DYNC1I1: variants seen among roughly 807,000 people sequenced by gnomAD.
DYNC1I1 encodes the protein dynein cytoplasmic 1 intermediate chain 1.
A neutral mutation model predicts 86.6 loss-of-function variants in DYNC1I1; 43 were observed. That is an observed-to-expected ratio of 0.50 (90% CI 0.39 to 0.64). DYNC1I1 has a LOEUF of 0.64. Among genes scored for constraint, DYNC1I1 ranks in the 30% least tolerant of loss-of-function variants. The pLI is 0.00. For missense variants in DYNC1I1, 604 were observed against 788.8 expected (o/e 0.77, Z 2.81); for synonymous variants, 262 against 283.7 (o/e 0.92, Z 0.77).
intron 6 of DYNC1I1, among the ~76,000 whole-genome samples, chr7:95,934,952 T>TTGTGTGTG (rs145382652): frequency 6.7e-6 from 1 of 148,978 alleles, no homozygotes; most frequent in African/African-American, 2.5e-5. Context: ...GTTTTTTGTT[T>TTGTGTGTG]TGTGTGTGTG....
chr7:95,796,372 C>T (rs1794436203), intron 1 of DYNC1I1, among the ~76,000 whole-genome samples: 2 of 151,958 alleles, frequency 1.3e-5, no homozygotes, highest in African/African-American at 2.4e-5. Context: ...TGCAATGGCG[C>T]GATCTTGGTT....
intron 6 of DYNC1I1, among the ~76,000 whole-genome samples, chr7:95,948,783 G>A (rs1206196241): frequency 6.6e-6 from 1 of 152,136 alleles, no homozygotes; most frequent in East Asian, 1.9e-4. Flanking sequence ...CCAGCTACAG[G>A]TTTTGCAAAA....
At chr7:95,899,339 A>T (rs1247162642) in intron 6 of DYNC1I1, among the ~76,000 whole-genome samples, 1 of 152,194 alleles carries the variant, frequency 6.6e-6, no homozygotes, top group Non-Finnish European at 1.5e-5. Flanking sequence ...GAGGGGCTTT[A>T]AAAAACAACC....
At chr7:95,852,415 A>T (rs1789603351) in intron 5 of DYNC1I1, among the ~76,000 whole-genome samples, 1 of 151,916 alleles carries the variant, frequency 6.6e-6, no homozygotes, top group South Asian at 2.1e-4. Flanking sequence ...AGCCCAGCTA[A>T]AAGTTTGTCA....
intron 8 of DYNC1I1, 81 bp from the exon 9 acceptor site, chr7:95,986,975 G>T (rs1793611165): frequency 1.1e-5 from 14 of 1,265,938 alleles, no homozygotes; most frequent in Non-Finnish European, 1.6e-5. Flanking sequence ...TGTGTGCCAG[G>T]CTTTTGCCAT....
rs948143657 is a variant in DYNC1I1 at position 96,076,209 on chromosome 7, C to T, written c.1650+12C>T. On this transcript the variant is annotated intron_variant, in intron 15 of 16. Coordinates refer to ENST00000447467, the MANE Select transcript of DYNC1I1 (RefSeq NM_001135556.2). ...ACAATGACACCGAGGTGAGCGGCGG[C>T]TCAGGCGCCCGGGCCGGAGGGCTGG... The T allele has an allele frequency of 1.2e-6, 2 of 1,613,544 alleles. No individual in the cohort carries two copies. The highest frequency in any genetic ancestry group is 3.3e-5 in the Admixed American group (2 of 59,962).
chr7:95,974,160 C>G (rs1481694173), intron 6 of DYNC1I1, among the ~76,000 whole-genome samples: 1 of 152,166 alleles, frequency 6.6e-6, no homozygotes, highest in Non-Finnish European at 1.5e-5. Flanking sequence ...CCTAATCTCT[C>G]TTTCCTATTT....
At chr7:95,840,262 T>TC (rs1367823838) in intron 5 of DYNC1I1, among the ~76,000 whole-genome samples, 1 of 149,026 alleles carries the variant, frequency 6.7e-6, no homozygotes, top group Admixed American at 6.7e-5. Context: ...TGTTTTTTAT[T>TC]CTTTTTTTTT....
chr7:95,804,708 C>A lies in DYNC1I1; in HGVS notation c.-9-13C>A. On this transcript the variant is annotated splice_polypyrimidine_tract_variant and intron_variant, in intron 1 of 16. Transcript: ENST00000447467. ...TTATATATATGTTCACTTTTTTTTT[C>A]TCTTTCTCCAAGGAAACCAACATGT... The A allele has an allele frequency of 6.5e-7, 1 of 1,549,928 alleles. No individual in the cohort carries two copies. The highest frequency in any genetic ancestry group is 8.7e-7 in the Non-Finnish European group (1 of 1,155,606).
chr7:95,964,871 T>G (rs2116520363), intron 6 of DYNC1I1, among the ~76,000 whole-genome samples: 1 of 152,210 alleles, frequency 6.6e-6, no homozygotes, highest in Non-Finnish European at 1.5e-5. Flanking sequence ...GGATAAAGAG[T>G]ATTCCAGGTA....
chr7:95,999,743 C>T (rs1345695807), intron 10 of DYNC1I1, among the ~76,000 whole-genome samples: 1 of 152,164 alleles, frequency 6.6e-6, no homozygotes, highest in East Asian at 1.9e-4. Flanking sequence ...TAGCTGACTG[C>T]ACTGCTGAGT....
intron 6 of DYNC1I1, among the ~76,000 whole-genome samples, chr7:95,924,498 G>A (rs1401002512): frequency 6.6e-6 from 1 of 152,050 alleles, no homozygotes; most frequent in African/African-American, 2.4e-5. Context: ...TTTGCTTTTT[G>A]AATGTGGCAC....
chr7:95,979,792 A>T (rs62467719), intron 7 of DYNC1I1, among the ~76,000 whole-genome samples: 17,175 of 152,190 alleles, frequency 0.11, 1,046 homozygotes, highest in African/African-American at 0.14. Flanking sequence ...CACAGAAGAC[A>T]CAAGGCTTAC....
chr7:96,002,884 A>G (rs1229029401), intron 10 of DYNC1I1, among the ~76,000 whole-genome samples: 1 of 151,024 alleles, frequency 6.6e-6, no homozygotes, highest in African/African-American at 2.4e-5. Context: ...TTGCTCTGTC[A>G]TGAGGCTGGC....
chr7:96,060,143 G>A (rs537458620), intron 14 of DYNC1I1, among the ~76,000 whole-genome samples: 6 of 152,134 alleles, frequency 3.9e-5, no homozygotes, highest in Non-Finnish European at 8.8e-5. Context: ...TATGACTATC[G>A]GGCTGACTTC....
At chr7:95,788,545 A>G (rs1794208290) in intron 1 of DYNC1I1, among the ~76,000 whole-genome samples, 2 of 152,148 alleles carry the variant, frequency 1.3e-5, no homozygotes, top group Admixed American at 6.5e-5. Flanking sequence ...TGACTCTCCT[A>G]CCAGACACAC....
chr7:95,989,101 G>A lies in DYNC1I1; in HGVS notation c.843+1946G>A, dbSNP rs114184771. ...GCAAGTGCTCTCAAAGTTCAGTGGA[G>A]GTTGGAATCTGTCTCTGGTCAGACA... On this transcript the variant is annotated intron_variant, in intron 9 of 16. Coordinates refer to ENST00000447467, the MANE Select transcript of DYNC1I1 (RefSeq NM_001135556.2). Among the ~76,000 whole-genome samples, 706 of 152,318 alleles carry A rather than the reference G, an allele frequency of 4.6e-3. 11 individuals are homozygous for A. The highest frequency in any genetic ancestry group is 0.016 in the African/African-American group (672 of 41,576).
At position 95,823,952 on chromosome 7, in the gene DYNC1I1, CTATATA is replaced by C. The variant is rs71127429; in HGVS notation, c.315-4083_315-4078del. Among the ~76,000 whole-genome samples the C allele has an allele frequency of 3.9e-3, 302 of 77,878 alleles. 10 individuals are homozygous for C. Among genetic ancestry groups the C allele is most frequent in the South Asian group, 0.018 (40 of 2,196 alleles). The allele number at this position is 77,878 out of a possible 152,430, so 51.1% of individuals were successfully genotyped here. A position where few individuals can be genotyped will look rare whatever the true frequency, so the allele number is the denominator to read the frequency against. On this transcript the variant is annotated intron_variant, in intron 4 of 16. Transcript: ENST00000447467. The stretch of plus-strand genomic sequence containing the variant: ...TTACTTTCAGATTTGTTCTACTAAA[CTATATA>C]TATATATATATATATATATATGTTT...
intron 6 of DYNC1I1, among the ~76,000 whole-genome samples, chr7:95,966,830 G>A (rs1032820077): frequency 6.6e-6 from 1 of 152,184 alleles, no homozygotes; most frequent in South Asian, 2.1e-4. Context: ...CCGGTGACTA[G>A]GACAGGAAAC....
Sources: gnomAD v4.1 joint callset for allele counts (sites outside exome capture counted in the v4.1 genomes callset) on GRCh38, gnomAD v4.1.1 for gene constraint, MANE v1.5 for transcripts, NCBI Gene and HGNC (gene_info 2026-07-23, HGNC 2026-07-21) for gene names.